The following ESYT3 variants were observed in gnomAD, a reference collection of about 807,000 sequenced individuals.
ESYT3 encodes extended synaptotagmin 3.
ESYT3 carries 101 observed loss-of-function variants against 111.5 expected under a neutral mutation model. That is an observed-to-expected ratio of 0.91 (90% CI 0.77 to 1.07). The LOEUF is 1.07. ESYT3 is among the 50% of genes least tolerant of loss of function. The pLI, the probability that ESYT3 is intolerant of heterozygous loss-of-function variation, is 0.00. For synonymous variants in ESYT3, 416 were observed against 446.8 expected (o/e 0.93, Z 0.87); for missense variants, 1,097 against 1,109.4 (o/e 0.99, Z 0.16).
chr3:138,473,491 C>A, intron 18 of ESYT3, 45 bp from the exon 19 acceptor site: 1 of 1,548,002 alleles, frequency 6.5e-7, no homozygotes, highest in Non-Finnish European at 8.9e-7. Context: ...GGAAGAGGGC[C>A]AATGCTTGTT....
intron 7 of ESYT3, 46 bp downstream of exon 7, chr3:138,460,712 C>G (rs2032584425): frequency 6.3e-7 from 1 of 1,592,360 alleles, no homozygotes; most frequent in African/African-American, 1.3e-5. Flanking sequence ...GTTTGGGGGC[C>G]TCCAGGGCTC....
At position 138,468,801 on chromosome 3, in the gene ESYT3, G is replaced by C; in HGVS notation, c.1372-18G>C. The C allele has an allele frequency of 6.2e-7, 1 of 1,614,114 alleles. No homozygotes were observed. ...AATTGTCCTGTGTTGCTTTAACCCC[G>C]TTATTCCTGTGCTGCAGAGAAACCC... On this transcript the variant is annotated intron_variant, in intron 13 of 22. Coordinates refer to ENST00000389567, the MANE Select transcript of ESYT3 (RefSeq NM_031913.5).
chr3:138,470,175 GA>G (rs766032839), intron 16 of ESYT3, 29 bp downstream of exon 16: 1 of 1,605,962 alleles, frequency 6.2e-7, no homozygotes, highest in Non-Finnish European at 8.5e-7. Context: ...TCTTGAAACA[GA>G]GTTAAGAGGT....
At chr3:138,476,644 C>A in intron 22 of ESYT3, 152 bp downstream of exon 22, 1 of 1,036,700 alleles carries the variant, frequency 9.6e-7, no homozygotes, top group Non-Finnish European at 1.5e-6. Context: ...CACTGATACC[C>A]TAAAAGACAC....
rs1041211971 is a variant in ESYT3 at position 138,435,894 on chromosome 3, C to A, written c.327+769C>A. On this transcript the variant is annotated intron_variant, in intron 1 of 22. Transcript: ENST00000389567. The surrounding 1 kb of genome is among the most constrained non-coding windows in gnomAD (Gnocchi z 4.8). ...TATGATTAGGTGAGCTTGGGAAACACCGGCAAGAGGGGTGTTCCGTCCAAT... is the reference window on the plus strand; with the variant it reads ...TATGATTAGGTGAGCTTGGGAAACAACGGCAAGAGGGGTGTTCCGTCCAAT... 6.6e-6 allele frequency among the ~76,000 whole-genome samples: 1 copy of A among 152,192 alleles called. No homozygotes were observed. The highest frequency in any genetic ancestry group is 1.5e-5 in the Non-Finnish European group (1 of 68,038).
intron 1 of ESYT3, among the ~76,000 whole-genome samples, chr3:138,448,622 T>C (rs953093094): frequency 5.9e-5 from 9 of 152,018 alleles, no homozygotes; most frequent in African/African-American, 1.9e-4. Flanking sequence ...CAGAGTAACT[T>C]TGAGAATGTG....
At chr3:138,461,620 G>A (rs1003674890) in intron 7 of ESYT3, among the ~76,000 whole-genome samples, 3 of 152,212 alleles carry the variant, frequency 2.0e-5, no homozygotes, top group African/African-American at 7.2e-5. Context: ...CCCTGTTCCA[G>A]GCACCATCCC....
At chr3:138,439,485 C>A (rs1310193712) in intron 1 of ESYT3, among the ~76,000 whole-genome samples, 3 of 152,174 alleles carry the variant, frequency 2.0e-5, no homozygotes, top group Non-Finnish European at 4.4e-5. Flanking sequence ...TCCTAAGACC[C>A]TTCTTGGGGT....
rs754193162 is a variant in ESYT3 at position 138,435,071 on chromosome 3, C to T, written c.273C>T (p.Asp91=). Residue 91 remains aspartate, a synonymous_variant, in exon 1 of 23, where the codon GAC becomes GAT. Coordinates refer to ENST00000389567, the MANE Select transcript of ESYT3 (RefSeq NM_031913.5). This position sits in a 1 kb window ranked among gnomAD's most constrained non-coding sequence, Gnocchi z 4.8. ...GRLAAAFEFL[D]NEREFISREL... ...TGGCCGCCGCCTTCGAATTCCTTGA[C>T]AATGAACGCGAGTTCATCAGCCGCG... 1.3e-6 allele frequency: 2 copies of T among 1,594,308 alleles called. No homozygotes were observed. Among genetic ancestry groups the T allele is most frequent in the Admixed American group, 1.8e-5 (1 of 56,888 alleles).
chr3:138,475,744 A>G (rs1204682286), intron 20 of ESYT3, among the ~76,000 whole-genome samples: 1 of 152,118 alleles, frequency 6.6e-6, no homozygotes, highest in Non-Finnish European at 1.5e-5. Context: ...CCTGACCAAC[A>G]TGGTGAAACC....
chr3:138,444,024 A>C (rs192093099), intron 1 of ESYT3, among the ~76,000 whole-genome samples: 1 of 152,314 alleles, frequency 6.6e-6, no homozygotes, highest in Admixed American at 6.5e-5. Flanking sequence ...AGGGCTTAAG[A>C]AATAATGCAC....
At chr3:138,453,275 TA>T (rs2032060064) in intron 2 of ESYT3, among the ~76,000 whole-genome samples, 1 of 151,960 alleles carries the variant, frequency 6.6e-6, no homozygotes, top group African/African-American at 2.4e-5. Flanking sequence ...CAGAGGCCTA[TA>T]CAAGGCGTTG....
At chr3:138,455,486 A>G (rs1456968423) in intron 3 of ESYT3, among the ~76,000 whole-genome samples, 158 bp downstream of exon 3, 2 of 151,922 alleles carry the variant, frequency 1.3e-5, no homozygotes, top group Non-Finnish European at 2.9e-5. Flanking sequence ...TGCATTTCCC[A>G]GCCTGTCAGC....
chr3:138,474,467 C>T (rs762962627), intron 20 of ESYT3, 115 bp downstream of exon 20: 250 of 1,204,050 alleles, frequency 2.1e-4, no homozygotes, highest in Non-Finnish European at 2.8e-4. Flanking sequence ...CTGAACAAGA[C>T]AACATAGTCT....
chr3:138,438,490 G>A (rs1452879059), intron 1 of ESYT3, among the ~76,000 whole-genome samples: 3 of 152,146 alleles, frequency 2.0e-5, no homozygotes, highest in African/African-American at 7.2e-5. Context: ...TGGAGGCCAA[G>A]GCCTGGCTGA....
intron 2 of ESYT3, among the ~76,000 whole-genome samples, chr3:138,454,584 G>A (rs2032154129): frequency 6.6e-6 from 1 of 152,020 alleles, no homozygotes; most frequent in Non-Finnish European, 1.5e-5. Context: ...AGATGGAGAA[G>A]CCTTGCCCCA....
At position 138,435,189 on chromosome 3, in the gene ESYT3, G is replaced by A; in HGVS notation, c.327+64G>A. On this transcript the variant is annotated intron_variant, in intron 1 of 22. Coordinates refer to ENST00000389567, the MANE Select transcript of ESYT3 (RefSeq NM_031913.5). The surrounding 1 kb of genome is among the most constrained non-coding windows in gnomAD (Gnocchi z 4.8). ...CCTTTCGAGGTTCGGAGGAACTTGCGGTCAGCGGGGAGCTGGTGCGCGCAA... is the reference window on the plus strand; with the variant it reads ...CCTTTCGAGGTTCGGAGGAACTTGCAGTCAGCGGGGAGCTGGTGCGCGCAA... 7.0e-7 allele frequency: 1 copy of A among 1,437,640 alleles called. No homozygotes were observed. The highest frequency in any genetic ancestry group is 9.3e-7 in the Non-Finnish European group (1 of 1,076,406). The allele number at this position is 1,437,640 out of a possible 1,614,324, so 89.1% of individuals were successfully genotyped here.
chr3:138,480,175 A>G (rs1174446875), downstream of ESYT3: 4 of 152,148 alleles, frequency 2.6e-5, no homozygotes, highest in Non-Finnish European at 5.9e-5. Flanking sequence ...GTCTAAATAT[A>G]TTTGTAATTA....
chr3:138,443,138 AC>A (rs1440262504), intron 1 of ESYT3, among the ~76,000 whole-genome samples: 1 of 152,110 alleles, frequency 6.6e-6, no homozygotes, highest in African/African-American at 2.4e-5. Flanking sequence ...CATCACTGTG[AC>A]TAGTGGAATT....
Sources: allele counts gnomAD v4.1 joint callset (sites outside exome capture counted in the v4.1 genomes callset), GRCh38; gene constraint gnomAD v4.1.1; non-coding constraint Gnocchi (gnomAD v3.1); transcripts MANE v1.5; gene names NCBI Gene and HGNC (gene_info 2026-07-23, HGNC 2026-07-21).